The following RPH3A variants were observed in gnomAD, a reference collection of about 807,000 sequenced individuals.
The protein encoded by RPH3A is rabphilin-3A.
RPH3A carries 48 observed loss-of-function variants against 102.2 expected under a neutral mutation model. The ratio of observed to expected loss-of-function variants is 0.47; its 90% confidence interval spans 0.37 to 0.60. The LOEUF (loss-of-function observed/expected upper bound fraction) is 0.60, where lower values mean the gene tolerates loss of function less well. Ranked by LOEUF, RPH3A falls within the 20% of genes least tolerant of loss-of-function variation. The pLI, the probability that RPH3A is intolerant of heterozygous loss-of-function variation, is 0.00. For synonymous variants in RPH3A, 310 were observed against 324.3 expected, an observed-to-expected ratio of 0.96 and a Z score of 0.47; for missense variants, 781 against 910.1, an observed-to-expected ratio of 0.86 and a Z score of 1.83.
chr12:112,882,294 C>A (rs1464126998), intron 15 of RPH3A, among the ~76,000 whole-genome samples: 1 of 152,156 alleles, frequency 6.6e-6, no homozygotes, highest in Non-Finnish European at 1.5e-5. Flanking sequence ...GCCCTCCCAC[C>A]CTTCTCTCCC....
intron 1 of RPH3A, among the ~76,000 whole-genome samples, chr12:112,666,820 G>A (rs2189273): frequency 2.0e-5 from 3 of 152,080 alleles, no homozygotes; most frequent in African/African-American, 7.2e-5. Context: ...CATTTCTGGA[G>A]CCCAACTCTT....
intron 17 of RPH3A, among the ~76,000 whole-genome samples, chr12:112,889,145 C>A (rs946601496): frequency 1.3e-5 from 2 of 152,246 alleles, no homozygotes; most frequent in Non-Finnish European, 2.9e-5. Context: ...AGGAAAATTT[C>A]AAGGAAGGAT....
At chr12:112,595,078 A>G (rs1421297256) in intron 1 of RPH3A, among the ~76,000 whole-genome samples, 1 of 152,118 alleles carries the variant, frequency 6.6e-6, no homozygotes, top group Non-Finnish European at 1.5e-5. Context: ...TCCCATTTCC[A>G]CACTTACTGG....
chr12:112,621,007 A>AT lies in RPH3A; in HGVS notation c.-140+45690dup, dbSNP rs200365954. ...ACATATCTTCCTATTTTTTAACATTATTATTTTTTTTTTTTTGTAGAGATA... is the reference window on the plus strand; with the variant it reads ...ACATATCTTCCTATTTTTTAACATTATTTATTTTTTTTTTTTTGTAGAGATA... On this transcript the variant is annotated intron_variant, in intron 1 of 21. Transcript: ENST00000543106. 5.0e-3 allele frequency among the ~76,000 whole-genome samples: 710 copies of AT among 141,996 alleles called. 10 individuals carry two copies. Among genetic ancestry groups the AT allele is most frequent in the African/African-American group, 0.016 (563 of 35,112 alleles). 93.2% of individuals were successfully genotyped at this position (141,996 alleles called of 152,430 possible).
intron 1 of RPH3A, among the ~76,000 whole-genome samples, chr12:112,666,436 C>T (rs232923): frequency 6.6e-6 from 1 of 151,790 alleles, no homozygotes; most frequent in South Asian, 2.1e-4. Context: ...CCTCCCAGCT[C>T]TGACACTTAC....
chr12:112,894,605 G>A lies in RPH3A; in HGVS notation c.1803G>A (p.Lys601=). The A allele has an allele frequency of 1.2e-6, 2 of 1,613,902 alleles. No individual in the cohort carries two copies. The highest frequency in any genetic ancestry group is 1.7e-6 in the Non-Finnish European group (2 of 1,179,932). ...KLWLKPDMGK[K]AKHKTQIKKK... ...GGCTGAAACCGGACATGGGAAAGAA[G>A]GCCAAACACAAGACTCAAATTAAAA... is the stretch of plus-strand genomic sequence containing the variant. The change falls in exon 20 of 22, where the codon AAG becomes AAA. Residue 601 remains lysine (K), a synonymous_variant. Transcript: ENST00000389385.
intron 1 of RPH3A, among the ~76,000 whole-genome samples, chr12:112,765,172 A>C (rs1433778008): frequency 1.3e-5 from 2 of 151,754 alleles, no homozygotes; most frequent in Non-Finnish European, 2.9e-5. Context: ...CGTGGGGAGC[A>C]TATATGTGGG....
At chr12:112,881,133 C>T (rs961555596) in intron 14 of RPH3A, among the ~76,000 whole-genome samples, 5 of 152,124 alleles carry the variant, frequency 3.3e-5, no homozygotes, top group Non-Finnish European at 5.9e-5. Context: ...GGGACATCTG[C>T]CTGGTCTGAA....
At chr12:112,643,270 C>T (rs919253779) in intron 1 of RPH3A, among the ~76,000 whole-genome samples, 4 of 152,150 alleles carry the variant, frequency 2.6e-5, no homozygotes, top group East Asian at 3.9e-4. Flanking sequence ...CAGTGGGTAG[C>T]GAGGATAGAA....
intron 1 of RPH3A, among the ~76,000 whole-genome samples, chr12:112,622,304 CTT>C (rs2039737042): frequency 1.5e-5 from 1 of 65,960 alleles, no homozygotes; most frequent in Non-Finnish European, 2.4e-5. Context: ...AAGTTGAAAA[CTT>C]TGAAAAAAAT....
At chr12:112,685,897 A>T (rs2040260205) in intron 1 of RPH3A, among the ~76,000 whole-genome samples, 1 of 152,204 alleles carries the variant, frequency 6.6e-6, no homozygotes, top group Admixed American at 6.5e-5. Flanking sequence ...TGTGTTGGGT[A>T]TTTGAATGGG....
chr12:112,879,109 C>T lies in RPH3A; in HGVS notation c.1172-10C>T, dbSNP rs755971190. On this transcript the variant is annotated splice_polypyrimidine_tract_variant and intron_variant, in intron 13 of 21. Coordinates refer to ENST00000389385, the MANE Select transcript of RPH3A (RefSeq NM_001143854.2). ...TTCGTTATCTTGGTTCCTGTCTCTG[C>T]CCCCTTCAGCCACCCTGGGTGCCCT... The T allele has an allele frequency of 1.4e-5, 23 of 1,611,812 alleles. No individual in the cohort carries two copies. The highest frequency in any genetic ancestry group is 1.0e-4 in the Admixed American group (6 of 59,932).
chr12:112,831,837 A>T (rs994149453), intron 3 of RPH3A: 2 of 455,890 alleles, frequency 4.4e-6, no homozygotes, highest in Non-Finnish European at 8.8e-6. Context: ...TCCTCTGTAG[A>T]TGGTTTTTCC....
At chr12:112,790,648 G>A (rs2041089354), upstream of RPH3A, among the ~76,000 whole-genome samples, 1 of 152,186 alleles carries the variant, frequency 6.6e-6, no homozygotes, top group Admixed American at 6.5e-5. Flanking sequence ...GGAGCCATGG[G>A]AATCCATTCA....
chr12:112,661,296 A>G (rs904138452), intron 1 of RPH3A, among the ~76,000 whole-genome samples: 1 of 152,162 alleles, frequency 6.6e-6, no homozygotes, highest in South Asian at 2.1e-4. Flanking sequence ...AAAGTCAGAC[A>G]GACCTAAGTT....
rs1865275279 is a variant in RPH3A, at chr12:112,876,647, G to C, written c.952G>C (p.Ala318Pro). ...GRFPDQKPEVAPSDPGTTAPP... is the reference protein window; with the variant it reads ...GRFPDQKPEVPPSDPGTTAPP... The stretch of plus-strand genomic sequence containing the variant: ...CTGTCCTTATCTCCCTGCAGAGGTG[G>C]CTCCGAGCGACCCTGGGACCACTGC... Residue 318 changes from alanine (A) to proline (P), a missense_variant, in exon 13 of 22, where the codon GCT (alanine) becomes CCT (proline). Transcript: ENST00000389385. The C allele has an allele frequency of 6.2e-7, 1 of 1,604,182 alleles. No homozygotes were observed. The highest frequency in any genetic ancestry group is 1.3e-5 in the African/African-American group (1 of 74,570).
chr12:112,856,240 G>C (rs377368842), intron 5 of RPH3A, among the ~76,000 whole-genome samples: 8 of 152,198 alleles, frequency 5.3e-5, no homozygotes, highest in Non-Finnish European at 1.0e-4. Context: ...TCCTCGACAC[G>C]CATCAAGATG....
intron 1 of RPH3A, among the ~76,000 whole-genome samples, chr12:112,749,986 CT>C (rs2040775654): frequency 6.6e-6 from 1 of 152,094 alleles, no homozygotes; most frequent in Non-Finnish European, 1.5e-5. Context: ...GCATTCCTGT[CT>C]GGTCACTGTT....
chr12:112,772,347 G>C (rs936373773), intron 1 of RPH3A, among the ~76,000 whole-genome samples: 6 of 152,320 alleles, frequency 3.9e-5, no homozygotes, highest in Middle Eastern at 3.4e-3. Flanking sequence ...TCCAAGGCGA[G>C]GGGTTGTCCT....
Sources: gnomAD v4.1 joint callset for allele counts (sites outside exome capture counted in the v4.1 genomes callset) on GRCh38, gnomAD v4.1.1 for gene constraint, MANE v1.5 for transcripts, NCBI Gene and HGNC (gene_info 2026-07-23, HGNC 2026-07-21) for gene names.